The following HS2ST1 variants were observed in gnomAD, a reference collection of about 807,000 sequenced individuals.
HS2ST1 encodes the protein heparan sulfate 2-O-sulfotransferase 1, also known as 2-O-sulfotransferase.
HS2ST1 carries 18 observed loss-of-function variants against 42.9 expected under a neutral mutation model. The ratio of observed to expected loss-of-function variants is 0.42; its 90% CI spans 0.29 to 0.62. The LOEUF is 0.62. Ranked by LOEUF, HS2ST1 falls within the 20% of genes least tolerant of loss-of-function variation. HS2ST1 has a pLI of 0.21. For synonymous variants in HS2ST1, 146 were observed against 152.9 expected (o/e 0.95, Z 0.33); for missense variants, 334 against 433.8 (o/e 0.77, Z 2.04).
chr1:87,104,704 G>C lies in HS2ST1; in HGVS notation c.*8G>C, dbSNP rs1028395110. On this transcript the variant is annotated 3_prime_UTR_variant, in exon 7 of 7. Transcript: ENST00000370550. ...TACCCTAAGTCGAACTGAGTATAAG[G>C]TGTGACTATTGGATTCTTGAACTAA... The C allele has an allele frequency of 6.5e-7, 1 of 1,544,798 alleles. No homozygotes were observed. Among genetic ancestry groups the C allele is most frequent in the Non-Finnish European group, 8.9e-7 (1 of 1,117,892 alleles).
intron 1 of HS2ST1, among the ~76,000 whole-genome samples, chr1:87,002,980 C>G (rs548864857): frequency 2.2e-4 from 34 of 152,204 alleles, no homozygotes; most frequent in Non-Finnish European, 4.1e-4. Context: ...ACTCTTCTCT[C>G]GAAGCAATAG....
rs892795008 is a variant in HS2ST1 at position 87,104,767 on chromosome 1, A to T, written c.*71A>T. 2.2e-6 allele frequency: 2 copies of T among 914,382 alleles called. No homozygotes were observed. Among genetic ancestry groups the T allele is most frequent in the Non-Finnish European group, 3.5e-6 (2 of 571,802 alleles). The allele number at this position is 914,382 out of a possible 1,614,324, so 56.6% of individuals were successfully genotyped here. On this transcript the variant is annotated 3_prime_UTR_variant, in exon 7 of 7. Coordinates refer to ENST00000370550, the MANE Select transcript of HS2ST1 (RefSeq NM_012262.4). ...TCTTCACCTTTGTTCTCAGCTCCAC[A>T]GTCTGGATTGCTGACAGTAGGTGTA...
intron 4 of HS2ST1, among the ~76,000 whole-genome samples, chr1:87,096,763 C>T (rs1262228531): frequency 6.6e-6 from 1 of 152,170 alleles, no homozygotes; most frequent in African/African-American, 2.4e-5. Flanking sequence ...CAGCTGAGAA[C>T]CCGTGGGATA....
intron 5 of HS2ST1, 38 bp downstream of exon 5, chr1:87,097,973 CT>C: frequency 6.2e-7 from 1 of 1,612,578 alleles, no homozygotes; most frequent in Non-Finnish European, 8.5e-7. Flanking sequence ...GATTATCATC[CT>C]TATTATCTCT....
At chr1:87,002,741 C>G (rs1206164730) in intron 1 of HS2ST1, among the ~76,000 whole-genome samples, 3 of 152,052 alleles carry the variant, frequency 2.0e-5, no homozygotes, top group Non-Finnish European at 4.4e-5. Flanking sequence ...AATTTTCCCC[C>G]CCGCTGACTA....
At chr1:86,946,021 T>C (rs1316648709) in intron 1 of HS2ST1, among the ~76,000 whole-genome samples, 1 of 152,226 alleles carries the variant, frequency 6.6e-6, no homozygotes, top group Non-Finnish European at 1.5e-5. Flanking sequence ...TTCTAAGTCT[T>C]AAGTATTTGA....
At chr1:86,990,187 G>T (rs560835624) in intron 1 of HS2ST1, among the ~76,000 whole-genome samples, 67 of 152,282 alleles carry the variant, frequency 4.4e-4, no homozygotes, top group African/African-American at 1.6e-3. Flanking sequence ...CCCATAAACA[G>T]TGTAAAAGCA....
rs1231795604 is a variant in HS2ST1, at chr1:87,106,847, T to A, written c.*2151T>A. The A allele has an allele frequency of 2.6e-5, 4 of 152,056 alleles. No individual in the cohort carries two copies. Among genetic ancestry groups the A allele is most frequent in the Admixed American group, 2.6e-4 (4 of 15,254 alleles). 9.4% of individuals were successfully genotyped at this position (152,056 alleles called of 1,614,324 possible). A position where few individuals can be genotyped will look rare whatever the true frequency, so the allele number is the denominator to read the frequency against. Reference sequence around the variant, plus strand: ...TGCAAGTTATTCTTGCACCACATGCTCAAATCTTCTTGAGGTGCATTAACT... The same window carrying A: ...TGCAAGTTATTCTTGCACCACATGCACAAATCTTCTTGAGGTGCATTAACT... On this transcript the variant is annotated 3_prime_UTR_variant, in exon 7 of 7. Coordinates refer to ENST00000370550, the MANE Select transcript of HS2ST1 (RefSeq NM_012262.4).
At chr1:86,941,638 G>A (rs1469597631) in intron 1 of HS2ST1, among the ~76,000 whole-genome samples, 1 of 151,916 alleles carries the variant, frequency 6.6e-6, no homozygotes, top group Non-Finnish European at 1.5e-5. Context: ...GCCGGGCATT[G>A]TGGCGGGTGT....
chr1:86,983,282 C>T (rs1337099103), intron 1 of HS2ST1, among the ~76,000 whole-genome samples: 1 of 152,150 alleles, frequency 6.6e-6, no homozygotes, highest in Non-Finnish European at 1.5e-5. Context: ...ATACCTGAGA[C>T]TGGGTAATTT....
chr1:87,056,900 A>T (rs1042405627), intron 1 of HS2ST1, among the ~76,000 whole-genome samples: 2 of 152,210 alleles, frequency 1.3e-5, no homozygotes, highest in African/African-American at 4.8e-5. Context: ...AGAAATTAAC[A>T]CTAGGTTTTA....
At chr1:87,043,435 A>T (rs1396563146) in intron 1 of HS2ST1, among the ~76,000 whole-genome samples, 1 of 152,138 alleles carries the variant, frequency 6.6e-6, no homozygotes, top group African/African-American at 2.4e-5. Flanking sequence ...AAAGTACCTT[A>T]TGCTTTACCT....
At chr1:87,097,358 C>T (rs528886652) in intron 4 of HS2ST1, among the ~76,000 whole-genome samples, 1 of 152,236 alleles carries the variant, frequency 6.6e-6, no homozygotes, top group East Asian at 1.9e-4. Flanking sequence ...TAAGAGCTGC[C>T]TGTTACAAGG....
chr1:87,063,273 T>C (rs1249460308), intron 1 of HS2ST1, among the ~76,000 whole-genome samples: 6 of 152,220 alleles, frequency 3.9e-5, no homozygotes, highest in Admixed American at 3.3e-4. Context: ...ATTAAACTTT[T>C]CTTCATCTCT....
intron 1 of HS2ST1, among the ~76,000 whole-genome samples, chr1:87,016,132 T>C (rs531742668): frequency 1.2e-4 from 18 of 152,292 alleles, no homozygotes; most frequent in African/African-American, 4.1e-4. Flanking sequence ...TTTTTCTTAA[T>C]GAGAATGAAG....
At chr1:86,996,046 T>C (rs1471411904) in intron 1 of HS2ST1, among the ~76,000 whole-genome samples, 1 of 152,138 alleles carries the variant, frequency 6.6e-6, no homozygotes, top group African/African-American at 2.4e-5. Flanking sequence ...TCTAAAAAGA[T>C]AGCCATTTTT....
At chr1:86,920,030 A>G (rs1351936718) in intron 1 of HS2ST1, among the ~76,000 whole-genome samples, 1 of 152,238 alleles carries the variant, frequency 6.6e-6, no homozygotes, top group East Asian at 1.9e-4. Context: ...ACTTGTTGCT[A>G]ATATTGACTG....
At chr1:87,098,630 G>T (rs1652125389) in intron 5 of HS2ST1, among the ~76,000 whole-genome samples, 1 of 152,080 alleles carries the variant, frequency 6.6e-6, no homozygotes, top group African/African-American at 2.4e-5. Context: ...GGAGTTTAAG[G>T]TCCTACTCAT....
chr1:87,006,679 G>A (rs1477838937), intron 1 of HS2ST1, among the ~76,000 whole-genome samples: 1 of 152,078 alleles, frequency 6.6e-6, no homozygotes, highest in Admixed American at 6.5e-5. Context: ...AGATTGCCAT[G>A]TAAAGGTAAA....
Sources: allele counts gnomAD v4.1 joint callset (sites outside exome capture counted in the v4.1 genomes callset), GRCh38; gene constraint gnomAD v4.1.1; transcripts MANE v1.5; gene names NCBI Gene and HGNC (gene_info 2026-07-23, HGNC 2026-07-21).